UBASH3B: variants seen among roughly 807,000 people sequenced by gnomAD.
UBASH3B encodes the protein ubiquitin associated and SH3 domain containing B.
UBASH3B carries 37 observed loss-of-function variants against 83.4 expected under a neutral mutation model. The ratio of observed to expected loss-of-function variants is 0.44; its 90% CI spans 0.34 to 0.58. The LOEUF (loss-of-function observed/expected upper bound fraction) is 0.58, where lower values mean the gene tolerates loss of function less well. Among genes scored for constraint, UBASH3B ranks in the 20% least tolerant of loss-of-function variants. The pLI is 0.01. For missense variants in UBASH3B, 657 were observed against 827.2 expected (o/e 0.79, Z 2.52); for synonymous variants, 304 against 318.3 (o/e 0.96, Z 0.48).
In UBASH3B at chr11:122,789,138, C is replaced by G; in HGVS notation, c.810C>G (p.Asp270Glu). The G allele has an allele frequency of 1.2e-6, 2 of 1,613,886 alleles. No individual in the cohort carries two copies. The highest frequency in any genetic ancestry group is 1.7e-6 in the Non-Finnish European group (2 of 1,180,002). ...TCTACCCCTATACCCCACAAAATGACGATGAGCTGGAGCTGGTCCCCGGGG... is the reference window on the plus strand; with the variant it reads ...TCTACCCCTATACCCCACAAAATGAGGATGAGCTGGAGCTGGTCCCCGGGG... ...QVIYPYTPQN[D>E]DELELVPGDF... The change falls in exon 6 of 14, where the codon GAC (aspartate) becomes GAG (glutamate). Residue 270 changes from aspartate to glutamate, a missense_variant. Physicochemically the swap from Asp to Glu is conservative, Grantham distance 45. Coordinates refer to ENST00000284273, the MANE Select transcript of UBASH3B (RefSeq NM_032873.5).
intron 1 of UBASH3B, among the ~76,000 whole-genome samples, chr11:122,663,467 AC>A (rs1443594356): frequency 6.6e-6 from 1 of 152,208 alleles, no homozygotes; most frequent in Non-Finnish European, 1.5e-5. Context: ...GGCTTTGATC[AC>A]CACCTGCTCC....
intron 9 of UBASH3B, among the ~76,000 whole-genome samples, chr11:122,798,020 C>G (rs1456274633): frequency 2.6e-5 from 4 of 152,138 alleles, no homozygotes; most frequent in East Asian, 1.9e-4. Flanking sequence ...CGTGATGGCT[C>G]TCACCTATAA....
chr11:122,716,331 C>T (rs560402557), intron 1 of UBASH3B, among the ~76,000 whole-genome samples: 22 of 152,342 alleles, frequency 1.4e-4, no homozygotes, highest in South Asian at 6.2e-4. Context: ...TAGCACAATG[C>T]CCAGCTAATT....
At chr11:122,782,982 C>T in intron 4 of UBASH3B, 71 bp from the exon 5 acceptor site, 1 of 1,527,846 alleles carries the variant, frequency 6.5e-7, no homozygotes, top group South Asian at 1.3e-5. Context: ...CTTTCTATGC[C>T]TTTCCTTAAG....
At chr11:122,656,243 C>A (rs774692729) in intron 1 of UBASH3B, 33 bp downstream of exon 1, 1 of 1,375,342 alleles carries the variant, frequency 7.3e-7, no homozygotes. Context: ...CTCGGCGACC[C>A]CTCCCGCGCG....
intron 1 of UBASH3B, among the ~76,000 whole-genome samples, chr11:122,657,771 C>G (rs1007538021): frequency 6.6e-6 from 1 of 152,166 alleles, no homozygotes; most frequent in African/African-American, 2.4e-5. Flanking sequence ...CTTCCTAATA[C>G]TAGGGCTCCA....
At chr11:122,783,284 T>G in intron 5 of UBASH3B, 62 bp downstream of exon 5, 1 of 1,564,918 alleles carries the variant, frequency 6.4e-7, no homozygotes, top group Non-Finnish European at 8.7e-7. Flanking sequence ...AATCAGCAGC[T>G]CGCTGCTGCA....
At chr11:122,784,995 A>G (rs1269892729) in intron 5 of UBASH3B, among the ~76,000 whole-genome samples, 1 of 152,178 alleles carries the variant, frequency 6.6e-6, no homozygotes, top group Non-Finnish European at 1.5e-5. Context: ...AGAAAAAAAA[A>G]GTCAAGGGTT....
In UBASH3B at chr11:122,729,795, CAAAAAAAAAAAA is replaced by C. The variant is rs71054092; in HGVS notation, c.162-46411_162-46400del. ...GCAACATAGCAAGACCCTATCTCTA[CAAAAAAAAAAAA>C]AAAAAAAAAAAACCCTAAAAAGTTA... is the stretch of plus-strand genomic sequence containing the variant. On this transcript the variant is annotated intron_variant, in intron 1 of 13. Coordinates refer to ENST00000284273, the MANE Select transcript of UBASH3B (RefSeq NM_032873.5). 2.7e-4 allele frequency among the ~76,000 whole-genome samples: 11 copies of C among 40,904 alleles called. No homozygotes were observed. In the East Asian group the frequency reaches 4.7e-3, roughly 17 times the overall value. 26.8% of individuals were successfully genotyped at this position (40,904 alleles called of 152,430 possible).
intron 1 of UBASH3B, among the ~76,000 whole-genome samples, chr11:122,709,804 C>T (rs1471316128): frequency 6.6e-6 from 1 of 152,090 alleles, no homozygotes; most frequent in African/African-American, 2.4e-5. Context: ...AGAGCTCTAA[C>T]CTGTTTTTGG....
chr11:122,687,245 A>G (rs1665119437), intron 1 of UBASH3B, among the ~76,000 whole-genome samples: 1 of 152,228 alleles, frequency 6.6e-6, no homozygotes, highest in Admixed American at 6.5e-5. Flanking sequence ...ATAAGCCACA[A>G]AAATGGTAGA....
rs895922018 is a variant in UBASH3B at position 122,687,299 on chromosome 11, A to G, written c.161+31089A>G. 2.0e-5 allele frequency among the ~76,000 whole-genome samples: 3 copies of G among 152,242 alleles called. No homozygotes were observed. The East Asian group carries it at 5.8e-4, about 29-fold the overall frequency. On this transcript the variant is annotated intron_variant, in intron 1 of 13. Coordinates refer to ENST00000284273, the MANE Select transcript of UBASH3B (RefSeq NM_032873.5). ...GGTAGACACTTTAGCAGTGTGTAAT[A>G]CATATAAGGTCACGGTATTTCCAAG...
At chr11:122,744,898 T>TGTGTGTGTGTGTGC (rs1293701124) in intron 1 of UBASH3B, among the ~76,000 whole-genome samples, 162 of 107,916 alleles carry the variant, frequency 1.5e-3, no homozygotes, top group Middle Eastern at 4.9e-3. Flanking sequence ...TGTGTGTGTG[T>TGTGTGTGTGTGTGC]GCGCGCGCGC....
intron 1 of UBASH3B, among the ~76,000 whole-genome samples, chr11:122,735,618 C>T (rs1235303140): frequency 6.6e-6 from 1 of 152,226 alleles, no homozygotes; most frequent in African/African-American, 2.4e-5. Context: ...CCAGAGAGTT[C>T]TGAGAGTCCC....
chr11:122,685,285 C>T (rs1863795163), intron 1 of UBASH3B, among the ~76,000 whole-genome samples: 1 of 152,190 alleles, frequency 6.6e-6, no homozygotes, highest in Non-Finnish European at 1.5e-5. Context: ...AGAGCAAAGA[C>T]CTTGACTGTC....
At chr11:122,756,557 A>T (rs1352628492) in intron 1 of UBASH3B, among the ~76,000 whole-genome samples, 1 of 152,006 alleles carries the variant, frequency 6.6e-6, no homozygotes, top group Non-Finnish European at 1.5e-5. Flanking sequence ...CACATTACTG[A>T]TGGTTCTAGC....
intron 1 of UBASH3B, among the ~76,000 whole-genome samples, chr11:122,737,238 C>T (rs7121598): frequency 0.076 from 11,628 of 152,146 alleles, 1,312 homozygotes; most frequent in African/African-American, 0.25. Context: ...GTATGATTAT[C>T]ATTGTATATT....
chr11:122,752,444 G>T (rs1861214607), intron 1 of UBASH3B, among the ~76,000 whole-genome samples: 1 of 152,224 alleles, frequency 6.6e-6, no homozygotes, highest in South Asian at 2.1e-4. Flanking sequence ...AATTTGCAGA[G>T]CTAGAAGAAG....
At chr11:122,723,785 G>A (rs1860683069) in intron 1 of UBASH3B, among the ~76,000 whole-genome samples, 1 of 152,228 alleles carries the variant, frequency 6.6e-6, no homozygotes, top group African/African-American at 2.4e-5. Context: ...AGATCATCAT[G>A]AAGAAACCTC....
Sources: gnomAD v4.1 joint callset for allele counts (sites outside exome capture counted in the v4.1 genomes callset) on GRCh38, gnomAD v4.1.1 for gene constraint, MANE v1.5 for transcripts, NCBI Gene and HGNC (gene_info 2026-07-23, HGNC 2026-07-21) for gene names.